The following PITPNM2 variants were observed in gnomAD, a reference collection of about 807,000 sequenced individuals.
The protein encoded by PITPNM2 is phosphatidylinositol transfer protein membrane associated 2.
Under a neutral mutation model 132.2 loss-of-function variants are expected in PITPNM2, and 35 were observed. The ratio of observed to expected loss-of-function variants is 0.26; its 90% confidence interval spans 0.20 to 0.35. The LOEUF is 0.35. PITPNM2 is among the 10% of genes least tolerant of loss of function. The probability of loss-of-function intolerance (pLI) is 1.00; values close to 1 mark genes in which losing one functional copy is unlikely to be tolerated. For synonymous variants in PITPNM2, 738 were observed against 799.2 expected (o/e 0.92, Z 1.29); for missense variants, 1,332 against 1,912.0 (o/e 0.70, Z 5.66).
chr12:123,038,828 G>A (rs1053151708), intron 2 of PITPNM2, among the ~76,000 whole-genome samples: 2 of 152,112 alleles, frequency 1.3e-5, no homozygotes, highest in Admixed American at 6.6e-5. Flanking sequence ...GGCCGGGCAC[G>A]GTGGCTCACA....
intron 2 of PITPNM2, among the ~76,000 whole-genome samples, chr12:123,079,473 A>T (rs1401779675): frequency 5.6e-5 from 8 of 141,650 alleles, no homozygotes; most frequent in Non-Finnish European, 1.1e-4. Context: ...CCTCAGCCCA[A>T]GTAGCTGGGA....
chr12:123,048,086 G>C (rs908552741), intron 2 of PITPNM2, among the ~76,000 whole-genome samples: 2 of 141,988 alleles, frequency 1.4e-5, no homozygotes, highest in African/African-American at 5.4e-5. Flanking sequence ...GCAACAGAGT[G>C]AGACTCCATC....
intron 1 of PITPNM2, among the ~76,000 whole-genome samples, chr12:123,121,999 A>G (rs2043042653): frequency 6.6e-6 from 1 of 152,172 alleles, no homozygotes; most frequent in Non-Finnish European, 1.5e-5. Context: ...AGTTGGGACT[A>G]CAGGCACACA....
chr12:122,997,788 A>G (rs1409203037), intron 10 of PITPNM2, among the ~76,000 whole-genome samples: 3 of 152,108 alleles, frequency 2.0e-5, no homozygotes, highest in Non-Finnish European at 4.4e-5. Flanking sequence ...AGGAGGAGGC[A>G]GGGAGGTGGG....
chr12:122,991,953 T>C, intron 16 of PITPNM2: 1 of 1,292,982 alleles, frequency 7.7e-7, no homozygotes, highest in Non-Finnish European at 9.8e-7. Flanking sequence ...GCATGGGCCA[T>C]CCAGACACGC....
At chr12:123,007,912 A>G (rs957516404) in intron 6 of PITPNM2, among the ~76,000 whole-genome samples, 1 of 152,126 alleles carries the variant, frequency 6.6e-6, no homozygotes, top group African/African-American at 2.4e-5. Flanking sequence ...CGTAGCTCAC[A>G]TGAGTTCACG....
chr12:123,115,195 C>T (rs922475653), intron 1 of PITPNM2, among the ~76,000 whole-genome samples: 4 of 152,226 alleles, frequency 2.6e-5, no homozygotes, highest in African/African-American at 9.6e-5. Context: ...GGCAGGCTGG[C>T]TGGCTGGATT....
intron 16 of PITPNM2, among the ~76,000 whole-genome samples, chr12:122,991,431 G>A (rs1316514550): frequency 6.6e-6 from 1 of 152,202 alleles, no homozygotes; most frequent in African/African-American, 2.4e-5. Flanking sequence ...GGTGAGGGGT[G>A]GGCCCGGCTG....
intron 1 of PITPNM2, among the ~76,000 whole-genome samples, chr12:123,128,708 C>T (rs190605418): frequency 6.6e-6 from 1 of 150,442 alleles, no homozygotes; most frequent in African/African-American, 2.5e-5. Context: ...GCAAAGATCG[C>T]GCCACTGCAC....
intron 1 of PITPNM2, among the ~76,000 whole-genome samples, chr12:123,112,406 G>A (rs921880839): frequency 2.0e-5 from 3 of 152,102 alleles, no homozygotes; most frequent in Non-Finnish European, 4.4e-5. Context: ...TGTAATGTAC[G>A]TTCCATACAC....
intron 2 of PITPNM2, among the ~76,000 whole-genome samples, chr12:123,070,968 A>G (rs1592990641): frequency 6.6e-6 from 1 of 152,234 alleles, no homozygotes; most frequent in Non-Finnish European, 1.5e-5. Flanking sequence ...GGAGGCCAGC[A>G]GAGAGAGGGA....
intron 1 of PITPNM2, among the ~76,000 whole-genome samples, chr12:123,134,668 A>T (rs1329646131): frequency 6.6e-6 from 1 of 152,114 alleles, no homozygotes; most frequent in Non-Finnish European, 1.5e-5. Flanking sequence ...AAATGCTTAG[A>T]TTCCAAGGTT....
intron 2 of PITPNM2, among the ~76,000 whole-genome samples, chr12:123,086,321 C>T (rs780771970): frequency 8.5e-5 from 13 of 152,184 alleles, no homozygotes; most frequent in African/African-American, 1.4e-4. Context: ...CTCTAAACCT[C>T]GGTTTTCTCT....
At chr12:123,052,298 G>A (rs2040887338) in intron 2 of PITPNM2, among the ~76,000 whole-genome samples, 1 of 152,054 alleles carries the variant, frequency 6.6e-6, no homozygotes, top group Admixed American at 6.5e-5. Flanking sequence ...CCATCACAAA[G>A]TGCCACAAAC....
chr12:122,991,841 A>G, intron 16 of PITPNM2: 1 of 1,304,974 alleles, frequency 7.7e-7, no homozygotes, highest in South Asian at 3.0e-5. Flanking sequence ...CCCGTGGGGG[A>G]GAGGGGCCAG....
chr12:123,035,905 C>T (rs2040253163), intron 2 of PITPNM2, among the ~76,000 whole-genome samples: 1 of 152,152 alleles, frequency 6.6e-6, no homozygotes. Context: ...TGCACCCAGG[C>T]TAGAGTGCAG....
chr12:123,114,838 G>A (rs570324340), intron 1 of PITPNM2, among the ~76,000 whole-genome samples: 2 of 152,302 alleles, frequency 1.3e-5, no homozygotes, highest in Admixed American at 6.5e-5. Context: ...TTTTGCTGCC[G>A]CTGTGATTAC....
rs777118403 is a variant in PITPNM2, at chr12:123,005,429, G to A, written c.763C>T (p.Arg255Cys). 8.1e-6 allele frequency: 13 copies of A among 1,614,022 alleles called. No homozygotes were observed. Among genetic ancestry groups the A allele is most frequent in the Admixed American group, 6.7e-5 (4 of 60,002 alleles). Residue 255 changes from arginine (R) to cysteine (C), a missense_variant, in exon 7 of 26, where the codon CGT becomes TGT. Arg to Cys is a radical substitution (Grantham distance 180). Transcript: ENST00000320201. The surrounding 1 kb of genome is among the most constrained non-coding windows in gnomAD (Gnocchi z 6.2). ...LEKEAQLMLSRKMAQFNEDGE... is the reference protein window; with the variant it reads ...LEKEAQLMLSCKMAQFNEDGE... Reference sequence around the variant, plus strand: ...TCCTCATTGAACTGGGCCATCTTACGGGAAAGCATGAGCTGTGCCTCCTTC... The same window carrying A: ...TCCTCATTGAACTGGGCCATCTTACAGGAAAGCATGAGCTGTGCCTCCTTC...
rs1164336007 is a variant in PITPNM2 at position 122,985,353 on chromosome 12, C to T, written c.*674G>A. On this transcript the variant is annotated 3_prime_UTR_variant, in exon 26 of 26. Transcript: ENST00000320201. ...AGGCTGGAAACAACACTGGCCTGGGCTCCAGGCGGGGCAGGCAGACAGGTG... is the reference window on the plus strand; with the variant it reads ...AGGCTGGAAACAACACTGGCCTGGGTTCCAGGCGGGGCAGGCAGACAGGTG... The T allele has an allele frequency of 6.6e-6, 1 of 152,476 alleles. No homozygotes were observed. The highest frequency in any genetic ancestry group is 1.5e-5 in the Non-Finnish European group (1 of 68,084). The allele number at this position is 152,476 out of a possible 1,614,324, so 9.4% of individuals were successfully genotyped here.
Sources: allele counts gnomAD v4.1 joint callset (sites outside exome capture counted in the v4.1 genomes callset), GRCh38; gene constraint gnomAD v4.1.1; non-coding constraint Gnocchi (gnomAD v3.1); transcripts MANE v1.5; gene names NCBI Gene and HGNC (gene_info 2026-07-23, HGNC 2026-07-21).